Variants in ELAPOR2 observed in about 807,000 individuals in gnomAD.
ELAPOR2 encodes the protein endosome-lysosome associated apoptosis and autophagy regulator family member 2.
Under a neutral mutation model 120.7 loss-of-function variants are expected in ELAPOR2, and 89 were observed. The observed-to-expected ratio is 0.74, with a 90% confidence interval of 0.62 to 0.88. The LOEUF is 0.88. Ranked by LOEUF, ELAPOR2 falls within the 40% of genes least tolerant of loss-of-function variation. ELAPOR2 has a pLI of 0.00. For synonymous variants in ELAPOR2, 444 were observed against 444.9 expected, an observed-to-expected ratio of 1.00 and a Z score of 0.03; for missense variants, 1,134 against 1,251.6, an observed-to-expected ratio of 0.91 and a Z score of 1.42.
At chr7:86,925,738 A>C (rs1790036361) in intron 9 of ELAPOR2, 82 bp from the exon 10 acceptor site, 3 of 1,231,922 alleles carry the variant, frequency 2.4e-6, no homozygotes, top group Non-Finnish European at 3.5e-6. Context: ...AACACACTAC[A>C]TTACAATTAG....
intron 18 of ELAPOR2, among the ~76,000 whole-genome samples, chr7:86,904,568 T>C (rs1261427478): frequency 6.6e-6 from 1 of 152,146 alleles, no homozygotes. Context: ...TTTCATACCC[T>C]CCAGACACTT....
chr7:86,949,605 G>A (rs971511460), intron 2 of ELAPOR2, among the ~76,000 whole-genome samples: 4 of 152,138 alleles, frequency 2.6e-5, no homozygotes, highest in Non-Finnish European at 4.4e-5. Flanking sequence ...ACTCTCAGGG[G>A]CCCAGGAAGA....
chr7:87,031,526 T>A (rs1280033183), intron 1 of ELAPOR2, among the ~76,000 whole-genome samples: 1 of 152,170 alleles, frequency 6.6e-6, no homozygotes, highest in African/African-American at 2.4e-5. Flanking sequence ...GCACATCTAA[T>A]AGACTAACTG....
At chr7:86,959,012 A>G (rs1296182930) in intron 2 of ELAPOR2, among the ~76,000 whole-genome samples, 1 of 146,718 alleles carries the variant, frequency 6.8e-6, no homozygotes, top group African/African-American at 2.6e-5. Flanking sequence ...ATCAGCGTTT[A>G]TCATTTTCAG....
At chr7:87,022,483 T>G (rs1158283537) in intron 1 of ELAPOR2, among the ~76,000 whole-genome samples, 7 of 152,314 alleles carry the variant, frequency 4.6e-5, no homozygotes, top group Admixed American at 4.6e-4. Context: ...TCTATCATTG[T>G]TGAACATTTG....
At chr7:86,896,092 A>G (rs998323667) in intron 19 of ELAPOR2, among the ~76,000 whole-genome samples, 17 of 152,124 alleles carry the variant, frequency 1.1e-4, no homozygotes, top group African/African-American at 4.1e-4. Flanking sequence ...CTACGAGGAT[A>G]CACATTTGAC....
chr7:86,967,528 A>T (rs1279744708), intron 1 of ELAPOR2, among the ~76,000 whole-genome samples: 1 of 152,152 alleles, frequency 6.6e-6, no homozygotes, highest in African/African-American at 2.4e-5. Flanking sequence ...CCTATATATA[A>T]AATTTAGGTG....
intron 15 of ELAPOR2, 89 bp from the exon 16 acceptor site, chr7:86,910,090 T>A: frequency 2.1e-6 from 2 of 965,738 alleles, no homozygotes; most frequent in Non-Finnish European, 3.0e-6. Context: ...AGAAGAGCAG[T>A]GGCTCTCTCC....
intron 1 of ELAPOR2, among the ~76,000 whole-genome samples, chr7:87,047,345 C>G (rs978984292): frequency 5.3e-5 from 8 of 152,046 alleles, no homozygotes; most frequent in Non-Finnish European, 1.2e-4. Context: ...TGGGATTACA[C>G]CTGGTTAAAA....
chr7:87,013,240 C>A (rs1793753871), intron 1 of ELAPOR2, among the ~76,000 whole-genome samples: 1 of 152,042 alleles, frequency 6.6e-6, no homozygotes, highest in South Asian at 2.1e-4. Flanking sequence ...CTCAATCGTT[C>A]CCAGTGATCT....
intron 18 of ELAPOR2, among the ~76,000 whole-genome samples, chr7:86,904,909 A>G (rs981149940): frequency 6.6e-6 from 1 of 152,118 alleles, no homozygotes; most frequent in African/African-American, 2.4e-5. Context: ...TTCCTTCTGC[A>G]CTACCAAAGT....
chr7:86,909,993 C>T lies in ELAPOR2; in HGVS notation c.2178G>A (p.Lys726=), dbSNP rs770734316. 7 of 1,602,986 alleles carry T rather than the reference C, an allele frequency of 4.4e-6. No individual in the cohort carries two copies. The highest frequency in any genetic ancestry group is 6.0e-6 in the Non-Finnish European group (7 of 1,175,910). ...NISLCGHEGK[K]MALCTNNITD... ...TTATATTGTTGGTACAGAGAGCCAT[C>T]TTCTTCCCCTAGGAAAATAAAGTCA... Residue 726 remains lysine (K), a synonymous_variant, in exon 16 of 22, where the codon AAG becomes AAA. Coordinates refer to ENST00000450689, the MANE Select transcript of ELAPOR2 (RefSeq NM_001142749.3).
At chr7:87,026,597 G>A (rs1794251847) in intron 1 of ELAPOR2, among the ~76,000 whole-genome samples, 1 of 151,834 alleles carries the variant, frequency 6.6e-6, no homozygotes, top group Admixed American at 6.6e-5. Context: ...TACCACAGCT[G>A]TTTTGTTCTT....
chr7:86,929,932 T>C (rs1030618349), intron 8 of ELAPOR2, among the ~76,000 whole-genome samples: 5 of 151,954 alleles, frequency 3.3e-5, no homozygotes, highest in Non-Finnish European at 5.9e-5. Flanking sequence ...ACCATGATTA[T>C]AAGTTTCCTG....
At chr7:87,007,360 G>A (rs1583983595) in intron 1 of ELAPOR2, among the ~76,000 whole-genome samples, 2 of 152,244 alleles carry the variant, frequency 1.3e-5, no homozygotes, top group South Asian at 2.1e-4. Flanking sequence ...GTTGGAGAAA[G>A]TAGTTACAAG....
chr7:86,917,411 T>C lies in ELAPOR2; in HGVS notation c.1593+1031A>G, dbSNP rs1451921279. On this transcript the variant is annotated intron_variant, in intron 12 of 21. Coordinates refer to ENST00000450689, the MANE Select transcript of ELAPOR2 (RefSeq NM_001142749.3). ...CAGCCTGGGCAACAGAGTGAGACTT[T>C]GTCTCCAAAAAGAAAAAATAATAAT... Among the ~76,000 whole-genome samples, 3 of 152,052 alleles carry C rather than the reference T, an allele frequency of 2.0e-5. No homozygotes were observed. The South Asian group carries it at 6.2e-4, about 32-fold the overall frequency.
intron 21 of ELAPOR2, among the ~76,000 whole-genome samples, chr7:86,889,616 G>A (rs760575776): frequency 6.6e-6 from 1 of 152,018 alleles, no homozygotes; most frequent in Non-Finnish European, 1.5e-5. Context: ...ACACTATTCA[G>A]AGGAGCACAC....
At chr7:86,920,943 T>C (rs1208810289) in intron 10 of ELAPOR2, 1 of 152,276 alleles carries the variant, frequency 6.6e-6, no homozygotes, top group Non-Finnish European at 1.5e-5. Flanking sequence ...AGAACATTCC[T>C]TGTCTTACTG....
At position 86,878,282 on chromosome 7, in the gene ELAPOR2, T is replaced by C. The variant is rs1799246075; in HGVS notation, c.*2189A>G. On this transcript the variant is annotated 3_prime_UTR_variant, in exon 22 of 22. Coordinates refer to ENST00000450689, the MANE Select transcript of ELAPOR2 (RefSeq NM_001142749.3). ...CCCCATAATATTCTTTCTGTCATAC[T>C]TCTTCAGTGCTTGAAATAAAATGAC... 6.6e-6 allele frequency: 1 copy of C among 152,212 alleles called. No individual in the cohort carries two copies. The allele number at this position is 152,212 out of a possible 1,614,324, so 9.4% of individuals were successfully genotyped here.
Sources: allele counts gnomAD v4.1 joint callset (sites outside exome capture counted in the v4.1 genomes callset), GRCh38; gene constraint gnomAD v4.1.1; transcripts MANE v1.5; gene names NCBI Gene and HGNC (gene_info 2026-07-23, HGNC 2026-07-21).